Variants in SPATA22 observed in about 807,000 individuals in gnomAD.
SPATA22 encodes the protein spermatogenesis associated 22, also known as spermatogenesis-associated protein 22.
Under a neutral mutation model 47.8 loss-of-function variants are expected in SPATA22, and 29 were observed. The observed-to-expected ratio is 0.61, with a 90% CI of 0.45 to 0.83. The LOEUF (loss-of-function observed/expected upper bound fraction) is 0.83, where lower values mean the gene tolerates loss of function less well. Ranked by LOEUF, SPATA22 falls within the 40% of genes least tolerant of loss-of-function variation. SPATA22 has a pLI of 0.00. For missense variants in SPATA22, 410 were observed against 421.7 expected, an observed-to-expected ratio of 0.97 and a Z score of 0.24; for synonymous variants, 133 against 140.9, an observed-to-expected ratio of 0.94 and a Z score of 0.40.
chr17:3,469,450 C>T, intron 1 of SPATA22, 52 bp from the exon 2 acceptor site: 1 of 700,756 alleles, frequency 1.4e-6, no homozygotes. Flanking sequence ...AAAACCCAAT[C>T]CTCAGCCCAG....
intron 7 of SPATA22, 75 bp downstream of exon 7, chr17:3,446,397 A>T: frequency 1.4e-6 from 2 of 1,433,736 alleles, no homozygotes; most frequent in Non-Finnish European, 1.9e-6. Flanking sequence ...TATTTGGAAG[A>T]AAAAGGACTA....
chr17:3,506,854 T>G (rs541007703), intron 1 of SPATA22, among the ~76,000 whole-genome samples: 3 of 152,144 alleles, frequency 2.0e-5, no homozygotes, highest in East Asian at 1.9e-4. Flanking sequence ...GGCAGGAGAA[T>G]TGCTTGAAGC....
chr17:3,465,359 T>C (rs959017897), intron 3 of SPATA22, among the ~76,000 whole-genome samples: 14 of 151,882 alleles, frequency 9.2e-5, no homozygotes, highest in African/African-American at 3.4e-4. Flanking sequence ...GGGGAAAAGA[T>C]TGAGAAATCG....
At chr17:3,513,682 G>A (rs1486453635) in exon 1 of SPATA22, 2 of 447,200 alleles carry the variant, frequency 4.5e-6, no homozygotes, top group Non-Finnish European at 7.9e-6. Context: ...GCTGCTGGCT[G>A]TAGGTTTACA....
intron 7 of SPATA22, 31 bp downstream of exon 7, chr17:3,446,441 T>A (rs1171040345): frequency 1.3e-6 from 2 of 1,586,886 alleles, no homozygotes; most frequent in Admixed American, 3.7e-5. Context: ...CAGAGAGTAT[T>A]ACTGAAGTAT....
rs557793572 is a variant in SPATA22, at chr17:3,505,493, C to T, written c.-74+7919G>A. On this transcript the variant is annotated intron_variant, in intron 1 of 8. Coordinates refer to the SPATA22 transcript ENST00000541913. ...CACAAGGGTGACCCCAAGATAGCCA[C>T]TGGAGACCACAGAGAGTGGGAATGG... Among the ~76,000 whole-genome samples, 111 of 152,260 alleles carry T rather than the reference C, an allele frequency of 7.3e-4. 1 individual carries two copies. Among genetic ancestry groups the T allele is most frequent in the African/African-American group, 2.3e-3 (94 of 41,552 alleles).
At chr17:3,486,446 C>G (rs1273254500) in intron 1 of SPATA22, among the ~76,000 whole-genome samples, 2 of 152,190 alleles carry the variant, frequency 1.3e-5, no homozygotes, top group Non-Finnish European at 2.9e-5. Flanking sequence ...ACCTGCTTTG[C>G]AATAGACATT....
In SPATA22 at chr17:3,464,628, C is replaced by T. The variant is rs900223745; in HGVS notation, c.173-1861G>A. On this transcript the variant is annotated intron_variant, in intron 3 of 8. Transcript: ENST00000572969. The stretch of plus-strand genomic sequence containing the variant: ...TGAGATGTGGGGAGCACCTTTGCCC[C>T]GCCGCCCCATCTGGGATGTGAGGAG... Among the ~76,000 whole-genome samples the T allele has an allele frequency of 8.9e-5, 13 of 146,760 alleles. No individual in the cohort carries two copies. The East Asian group carries it at 1.6e-3, about 19-fold the overall frequency.
chr17:3,475,028 G>C (rs1243305825), upstream of SPATA22, among the ~76,000 whole-genome samples: 1 of 152,170 alleles, frequency 6.6e-6, no homozygotes, highest in African/African-American at 2.4e-5. Context: ...AATAAACTGA[G>C]TGAAAGGACA....
At chr17:3,457,235 A>G (rs2073019039) in intron 5 of SPATA22, among the ~76,000 whole-genome samples, 2 of 151,804 alleles carry the variant, frequency 1.3e-5, no homozygotes, top group Admixed American at 6.6e-5. Flanking sequence ...AGGGTATTCA[A>G]TTAGGAAAAG....
chr17:3,454,176 G>A (rs1687037140), intron 5 of SPATA22, among the ~76,000 whole-genome samples: 1 of 147,562 alleles, frequency 6.8e-6, no homozygotes, highest in African/African-American at 2.5e-5. Flanking sequence ...GATAGAGAAA[G>A]GTCTATACAC....
rs552536104 is a variant in SPATA22, at chr17:3,464,123, G to GGC, written c.173-1358_173-1357dup. On this transcript the variant is annotated intron_variant, in intron 3 of 8. Coordinates refer to ENST00000572969, the MANE Select transcript of SPATA22 (RefSeq NM_001170698.2). The stretch of plus-strand genomic sequence containing the variant: ...ACCCTGCCGAGTGCCTGCGATTGCA[G>GGC]GCGCGCGCCGCCACGCCTGACTGGT... Among the ~76,000 whole-genome samples, 803 of 152,140 alleles carry GGC rather than the reference G, an allele frequency of 5.3e-3. 2 individuals are homozygous for GGC. The highest frequency in any genetic ancestry group is 0.02 in the Middle Eastern group (6 of 294).
At chr17:3,476,449 G>C (rs939445886), upstream of SPATA22, 9 of 1,519,976 alleles carry the variant, frequency 5.9e-6, no homozygotes, top group Admixed American at 1.7e-5. Flanking sequence ...AAAGTGGTAG[G>C]TGTGTGAAAG....
intron 1 of SPATA22, among the ~76,000 whole-genome samples, chr17:3,508,227 A>G (rs964083975): frequency 3.3e-5 from 5 of 151,838 alleles, no homozygotes; most frequent in South Asian, 2.1e-4. Flanking sequence ...TTAGAATGGC[A>G]ATCATTAAAA....
At position 3,486,492 on chromosome 17, in the gene SPATA22, C is replaced by T. The variant is rs76931757; in HGVS notation, c.-73-17094G>A. Among the ~76,000 whole-genome samples the T allele has an allele frequency of 4.6e-5, 7 of 152,306 alleles. No homozygotes were observed. The East Asian group carries it at 1.3e-3, about 29-fold the overall frequency. On this transcript the variant is annotated intron_variant, in intron 1 of 8. Coordinates refer to the SPATA22 transcript ENST00000541913. ...TTTGTCATCTATTCACTTGTTTATC[C>T]TGCCAGTTACTAGGCTGTGACTTCA... is the stretch of plus-strand genomic sequence containing the variant.
intron 1 of SPATA22, among the ~76,000 whole-genome samples, chr17:3,487,975 A>T (rs2073757851): frequency 6.6e-6 from 1 of 152,226 alleles, no homozygotes. Context: ...CATATACTTA[A>T]ATATATGTTC....
rs73305592 is a variant in SPATA22 at position 3,470,152 on chromosome 17, T to A, written c.-73-754A>T. Among the ~76,000 whole-genome samples the A allele has an allele frequency of 4.5e-3, 674 of 150,204 alleles. 5 individuals carry two copies. Among genetic ancestry groups the A allele is most frequent in the African/African-American group, 0.016 (638 of 40,510 alleles). ...CCCTTCATATCTAGAATAATTGTAA[T>A]GACAAGTTTCCACTCCATTTCCACA... On this transcript the variant is annotated intron_variant, in intron 1 of 8. Transcript: ENST00000572969.
chr17:3,486,890 A>G lies in SPATA22; in HGVS notation c.-73-17492T>C, dbSNP rs527499487. 2.0e-5 allele frequency among the ~76,000 whole-genome samples: 3 copies of G among 152,298 alleles called. No homozygotes were observed. The South Asian group carries it at 6.2e-4, about 32-fold the overall frequency. On this transcript the variant is annotated intron_variant, in intron 1 of 8. Coordinates refer to the SPATA22 transcript ENST00000541913. ...GATACAAGATCTCATATCAGAGCAG[A>G]ATATTTAGATTGTAGGACATGGCTA...
chr17:3,505,452 G>A (rs149872525), intron 1 of SPATA22, among the ~76,000 whole-genome samples: 16 of 152,330 alleles, frequency 1.1e-4, no homozygotes, highest in African/African-American at 3.4e-4. Context: ...TTGGAAGAGC[G>A]GGTTGTCACT....
Sources: gnomAD v4.1 joint callset for allele counts (sites outside exome capture counted in the v4.1 genomes callset) on GRCh38, gnomAD v4.1.1 for gene constraint, MANE v1.5 for transcripts, NCBI Gene and HGNC (gene_info 2026-07-23, HGNC 2026-07-21) for gene names.